The following GRIP1 variants were observed in gnomAD, a reference collection of about 807,000 sequenced individuals.
GRIP1 encodes glutamate receptor-interacting protein 1.
In GRIP1, 45 loss-of-function variants were observed where a neutral mutation model predicts 129.9. The ratio of observed to expected loss-of-function variants is 0.35; its 90% CI spans 0.27 to 0.44. The LOEUF is 0.44. Ranked by LOEUF, GRIP1 falls within the 20% of genes least tolerant of loss-of-function variation. The pLI is 1.00. For synonymous variants in GRIP1, 530 were observed against 520.8 expected, an observed-to-expected ratio of 1.02 and a Z score of -0.24; for missense variants, 1,196 against 1,396.8, an observed-to-expected ratio of 0.86 and a Z score of 2.29.
At chr12:66,531,225 G>C (rs1358528377) in intron 4 of GRIP1, among the ~76,000 whole-genome samples, 1 of 117,732 alleles carries the variant, frequency 8.5e-6, no homozygotes, top group Non-Finnish European at 1.7e-5. Context: ...GACAGAGTGA[G>C]ACTCTGTCTC....
intron 1 of GRIP1, among the ~76,000 whole-genome samples, chr12:66,970,413 A>G (rs1231815229): frequency 6.6e-6 from 1 of 152,208 alleles, no homozygotes; most frequent in Non-Finnish European, 1.5e-5. Context: ...AAAGCTAGAC[A>G]TGATGTATCA....
chr12:66,764,357 G>A (rs376174142), intron 1 of GRIP1, among the ~76,000 whole-genome samples: 16 of 152,142 alleles, frequency 1.1e-4, no homozygotes, highest in African/African-American at 2.7e-4. Context: ...GGATCATCAC[G>A]TTCATATCAG....
In GRIP1 at chr12:66,465,401, C is replaced by A. The variant is rs545072949; in HGVS notation, c.746G>T (p.Gly249Val). The change falls in exon 8 of 25, where the codon GGG becomes GTG. Residue 249 changes from glycine to valine, a missense_variant. Around this residue, in one of 5 missense-constraint regions of GRIP1, gnomAD observed 508 missense variants for 587.0 expected, o/e 0.87. Transcript: ENST00000359742. The stretch of plus-strand genomic sequence containing the variant: ...TTTGGCAACTTCGACTAGTAGTGGC[C>A]CGGATGCTGTTGCCACAGAGTCTGT... ...SVMDSVATAS[G>V]PLLVEVAKTP... The A allele has an allele frequency of 5.5e-5, 88 of 1,613,714 alleles. No homozygotes were observed. The highest frequency in any genetic ancestry group is 2.2e-4 in the South Asian group (20 of 91,068).
chr12:66,534,187 G>A (rs76169054), intron 4 of GRIP1, among the ~76,000 whole-genome samples: 6 of 152,202 alleles, frequency 3.9e-5, no homozygotes, highest in South Asian at 2.1e-4. Flanking sequence ...TTTGATTTCC[G>A]TCACAACAAT....
At position 66,416,950 on chromosome 12, in the gene GRIP1, C is replaced by T. The variant is rs569957710; in HGVS notation, c.1838+3770G>A. ...TAACAAAACCAGACAAAGACACACA[C>T]ACACACACAAAGAAAAGAAAAGAAA... On this transcript the variant is annotated intron_variant, in intron 15 of 24. Coordinates refer to ENST00000359742, the MANE Select transcript of GRIP1 (RefSeq NM_001366722.1). Among the ~76,000 whole-genome samples, 5 of 151,872 alleles carry T rather than the reference C, an allele frequency of 3.3e-5. No individual in the cohort carries two copies. The East Asian group carries it at 9.7e-4, about 29-fold the overall frequency.
At chr12:66,761,258 C>T (rs1399964918) in intron 1 of GRIP1, among the ~76,000 whole-genome samples, 1 of 152,016 alleles carries the variant, frequency 6.6e-6, no homozygotes, top group African/African-American at 2.4e-5. Flanking sequence ...TCAAAAATTT[C>T]CACGGATTCT....
At chr12:66,608,292 A>G (rs2139854564) in intron 1 of GRIP1, among the ~76,000 whole-genome samples, 1 of 152,278 alleles carries the variant, frequency 6.6e-6, no homozygotes, top group Non-Finnish European at 1.5e-5. Context: ...TAGTGATTAT[A>G]AACACAAAAC....
chr12:66,652,254 G>A (rs1399390007), intron 1 of GRIP1, among the ~76,000 whole-genome samples: 3 of 152,064 alleles, frequency 2.0e-5, no homozygotes, highest in Non-Finnish European at 4.4e-5. Context: ...TGGATCATGG[G>A]GGTGGTTTCC....
chr12:66,362,551 T>C (rs574347955), intron 23 of GRIP1, among the ~76,000 whole-genome samples: 1 of 151,808 alleles, frequency 6.6e-6, no homozygotes, highest in Non-Finnish European at 1.5e-5. Flanking sequence ...AATCTGGACA[T>C]GAGGGAAATG....
At chr12:66,892,015 C>T (rs1217199218) in intron 1 of GRIP1, 2 of 152,364 alleles carry the variant, frequency 1.3e-5, no homozygotes, top group African/African-American at 4.8e-5. Context: ...TGTGATGGCT[C>T]AGGGCAATCC....
chr12:66,483,730 T>C (rs547691980), intron 7 of GRIP1, among the ~76,000 whole-genome samples: 3 of 152,372 alleles, frequency 2.0e-5, no homozygotes, highest in South Asian at 4.1e-4. Flanking sequence ...AGTTTACAAT[T>C]TGATACATTT....
intron 1 of GRIP1, among the ~76,000 whole-genome samples, chr12:66,951,390 G>T (rs1313241216): frequency 6.6e-6 from 1 of 152,146 alleles, no homozygotes; most frequent in African/African-American, 2.4e-5. Flanking sequence ...CAGCACAAAG[G>T]TTCTGTGGCA....
At chr12:66,415,855 T>G (rs958007200) in intron 15 of GRIP1, among the ~76,000 whole-genome samples, 1 of 151,896 alleles carries the variant, frequency 6.6e-6, no homozygotes, top group African/African-American at 2.4e-5. Flanking sequence ...CACTTATAAG[T>G]GGGAGCTGAA....
chr12:66,656,579 C>G (rs554049718), intron 1 of GRIP1, among the ~76,000 whole-genome samples: 2 of 152,088 alleles, frequency 1.3e-5, no homozygotes, highest in Non-Finnish European at 2.9e-5. Context: ...GCATATTTCA[C>G]TGTATCCTAG....
rs377186338 is a variant in GRIP1 at position 66,826,357 on chromosome 12, C to T, written c.59-229430G>A. On this transcript the variant is annotated intron_variant, in intron 1 of 1. Transcript: ENST00000643019. ...TAGAAGAAATACCTAATGTAGATGA[C>T]GGGTTGATGGGTGCAGCAAACCACC... is the stretch of plus-strand genomic sequence containing the variant. Among the ~76,000 whole-genome samples the T allele has an allele frequency of 8.6e-5, 13 of 151,992 alleles. 1 individual carries two copies. Among genetic ancestry groups the T allele is most frequent in the African/African-American group, 2.7e-4 (11 of 41,404 alleles).
intron 1 of GRIP1, among the ~76,000 whole-genome samples, chr12:66,772,050 A>T (rs1362941063): frequency 6.6e-6 from 1 of 151,236 alleles, no homozygotes; most frequent in African/African-American, 2.4e-5. Flanking sequence ...TGCTGTGCAG[A>T]TATTTTACAT....
At chr12:66,413,869 G>T (rs976784902) in intron 15 of GRIP1, among the ~76,000 whole-genome samples, 3 of 152,114 alleles carry the variant, frequency 2.0e-5, no homozygotes, top group African/African-American at 7.2e-5. Context: ...CTCAATAGAT[G>T]CAGAAATGGC....
chr12:66,745,107 T>A lies in GRIP1; in HGVS notation c.-420+58946A>T, dbSNP rs535105355. Among the ~76,000 whole-genome samples, 13 of 123,674 alleles carry A rather than the reference T, an allele frequency of 1.1e-4. No homozygotes were observed. In the East Asian group the frequency reaches 4.3e-3, roughly 41 times the overall value. The allele number at this position is 123,674 out of a possible 152,430, so 81.1% of individuals were successfully genotyped here. A position where few individuals can be genotyped will look rare whatever the true frequency, so the allele number is the denominator to read the frequency against. Reference sequence around the variant, plus strand: ...CCATAGATAACAAGCAACACGGAGATTTCTATGGCTCCCTGGTGGTAAAGC... The same window carrying A: ...CCATAGATAACAAGCAACACGGAGAATTCTATGGCTCCCTGGTGGTAAAGC... On this transcript the variant is annotated intron_variant, in intron 1 of 4. Coordinates refer to the GRIP1 transcript ENST00000538373.
chr12:66,961,167 A>G (rs139955943), intron 1 of GRIP1, among the ~76,000 whole-genome samples: 249 of 152,290 alleles, frequency 1.6e-3, no homozygotes, highest in African/African-American at 5.8e-3. Context: ...TCCCTTTTGC[A>G]ATACCAGCAC....
Sources: gnomAD v4.1 joint callset for allele counts (sites outside exome capture counted in the v4.1 genomes callset) on GRCh38, gnomAD v4.1.1 for gene constraint, gnomAD v4.1.1 regional missense constraint, MANE v1.5 for transcripts, NCBI Gene and HGNC (gene_info 2026-07-23, HGNC 2026-07-21) for gene names.